ARHGAP35: variants seen among roughly 807,000 people sequenced by gnomAD.
ARHGAP35 encodes Rho GTPase activating protein 35, also known as rho GTPase-activating protein 35.
In ARHGAP35, 15 loss-of-function variants were observed where a neutral mutation model predicts 111.1. That is an observed-to-expected ratio of 0.13 (90% CI 0.09 to 0.21). ARHGAP35 has a LOEUF of 0.21. Ranked by LOEUF, ARHGAP35 falls within the 10% of genes least tolerant of loss-of-function variation. ARHGAP35 has a pLI of 1.00. For synonymous variants in ARHGAP35, 643 were observed against 710.3 expected (o/e 0.91, Z 1.51); for missense variants, 1,262 against 1,873.0 (o/e 0.67, Z 6.02).
At chr19:46,870,318 C>G (rs950079311) in intron 1 of ARHGAP35, among the ~76,000 whole-genome samples, 2 of 151,492 alleles carry the variant, frequency 1.3e-5, no homozygotes, top group Non-Finnish European at 2.9e-5. Context: ...GTGGCTCATG[C>G]CTGTAATCCC....
At chr19:46,980,170 A>G (rs1301616992) in intron 3 of ARHGAP35, among the ~76,000 whole-genome samples, 2 of 152,126 alleles carry the variant, frequency 1.3e-5, no homozygotes, top group East Asian at 3.9e-4. Flanking sequence ...GGACCACCTG[A>G]GGTCAGGAGT....
intron 1 of ARHGAP35, among the ~76,000 whole-genome samples, chr19:46,873,063 C>T (rs1484269118): frequency 3.3e-5 from 5 of 152,086 alleles, no homozygotes; most frequent in African/African-American, 1.2e-4. Flanking sequence ...TGCCCAAGGC[C>T]ACATGGCTAG....
intron 3 of ARHGAP35, among the ~76,000 whole-genome samples, chr19:46,943,358 G>A (rs907847103): frequency 5.9e-5 from 9 of 152,194 alleles, no homozygotes; most frequent in African/African-American, 1.9e-4. Context: ...TGGTGGACGC[G>A]GGACTGCTGC....
At position 46,987,891 on chromosome 19, in the gene ARHGAP35, A is replaced by T. The variant is rs2056659627; in HGVS notation, c.3827-98A>T. The T allele has an allele frequency of 1.1e-4, 132 of 1,220,074 alleles. 3 individuals are homozygous for T. The South Asian group carries it at 1.7e-3, about 15-fold the overall frequency. The allele number at this position is 1,220,074 out of a possible 1,614,324, so 75.6% of individuals were successfully genotyped here. The stretch of plus-strand genomic sequence containing the variant: ...GCTCCTCTCTTGTGGTGGGCACCTC[A>T]TGGACTTTCCCTGGCTTTCTCCTTG... On this transcript the variant is annotated intron_variant, in intron 3 of 6. Transcript: ENST00000672722.
At chr19:46,907,588 C>T (rs1328182313) in intron 1 of ARHGAP35, among the ~76,000 whole-genome samples, 2 of 152,058 alleles carry the variant, frequency 1.3e-5, no homozygotes, top group African/African-American at 4.8e-5. Flanking sequence ...ACGCCATTCT[C>T]CTGTCTCAGC....
chr19:46,867,720 T>G (rs1054180648), intron 1 of ARHGAP35, among the ~76,000 whole-genome samples: 1 of 152,166 alleles, frequency 6.6e-6, no homozygotes, highest in Non-Finnish European at 1.5e-5. Flanking sequence ...GCCCCCATTG[T>G]GTCCATGTTG....
At chr19:46,915,408 T>G (rs947648582) in intron 1 of ARHGAP35, among the ~76,000 whole-genome samples, 2 of 152,154 alleles carry the variant, frequency 1.3e-5, no homozygotes, top group South Asian at 4.1e-4. Context: ...CTAGTCACAT[T>G]TTGTTTCCAT....
intron 3 of ARHGAP35, among the ~76,000 whole-genome samples, chr19:46,951,022 G>A (rs551626611): frequency 6.6e-6 from 1 of 152,354 alleles, no homozygotes; most frequent in Non-Finnish European, 1.5e-5. Flanking sequence ...CGAATGTGGA[G>A]CCCGGCAGCT....
chr19:47,001,198 G>C lies in ARHGAP35; in HGVS notation c.*510G>C. 1.6e-6 allele frequency: 2 copies of C among 1,263,510 alleles called. No homozygotes were observed. The highest frequency in any genetic ancestry group is 2.6e-5 in the South Asian group (2 of 77,468). 78.3% of individuals were successfully genotyped at this position (1,263,510 alleles called of 1,614,324 possible). On this transcript the variant is annotated 3_prime_UTR_variant, in exon 7 of 7. Coordinates refer to ENST00000672722, the MANE Select transcript of ARHGAP35 (RefSeq NM_004491.5). This position sits in a 1 kb window ranked among gnomAD's most constrained non-coding sequence, Gnocchi z 5.4. ...CCCGGCTGGCGGCCTCCTTGGGAACGTGTAGGCCACGGCTCTGCCACCACT... is the reference window on the plus strand; with the variant it reads ...CCCGGCTGGCGGCCTCCTTGGGAACCTGTAGGCCACGGCTCTGCCACCACT...
At chr19:46,914,340 C>T (rs1370617109) in intron 1 of ARHGAP35, among the ~76,000 whole-genome samples, 2 of 152,134 alleles carry the variant, frequency 1.3e-5, no homozygotes, top group African/African-American at 4.8e-5. Flanking sequence ...CACAGTGGCT[C>T]GTGCCTATGA....
chr19:46,942,772 C>T (rs142213512), intron 3 of ARHGAP35, among the ~76,000 whole-genome samples: 2 of 140,576 alleles, frequency 1.4e-5, no homozygotes, highest in African/African-American at 5.4e-5. Flanking sequence ...GCTCTGATCG[C>T]ACCACTGCAA....
chr19:46,990,162 C>T (rs554502832), intron 5 of ARHGAP35, among the ~76,000 whole-genome samples: 1 of 152,352 alleles, frequency 6.6e-6, no homozygotes, highest in Admixed American at 6.5e-5. Flanking sequence ...TAGGGTCCTA[C>T]AGCCTCTTAG....
intron 3 of ARHGAP35, among the ~76,000 whole-genome samples, chr19:46,970,791 G>A (rs1568483275): frequency 6.6e-6 from 1 of 152,210 alleles, no homozygotes; most frequent in Non-Finnish European, 1.5e-5. Context: ...GGAGGGCTGG[G>A]AGGTAGAGTT....
intron 3 of ARHGAP35, among the ~76,000 whole-genome samples, chr19:46,980,564 C>T (rs1372235954): frequency 6.6e-6 from 1 of 152,190 alleles, no homozygotes; most frequent in Non-Finnish European, 1.5e-5. Flanking sequence ...CAAAGCCATG[C>T]ATGTTTTAAA....
Position 46,918,249 on chromosome 19 carries a change from A to C in ARHGAP35, c.-188-239A>C, listed in dbSNP as rs920084255. On this transcript the variant is annotated intron_variant, in intron 1 of 6. Coordinates refer to ENST00000672722, the MANE Select transcript of ARHGAP35 (RefSeq NM_004491.5). This position sits in a 1 kb window ranked among gnomAD's most constrained non-coding sequence, Gnocchi z 5.4. Reference sequence around the variant, plus strand: ...CAGGGAGCCCTCACACCCTTGTTTTAGCACTTAGCACACTGTTTACTTATG... The same window carrying C: ...CAGGGAGCCCTCACACCCTTGTTTTCGCACTTAGCACACTGTTTACTTATG... 8.6e-5 allele frequency among the ~76,000 whole-genome samples: 13 copies of C among 151,954 alleles called. No individual in the cohort carries two copies. Among genetic ancestry groups the C allele is most frequent in the African/African-American group, 2.7e-4 (11 of 41,338 alleles).
chr19:46,995,122 C>G (rs890932201), intron 5 of ARHGAP35, among the ~76,000 whole-genome samples: 2 of 152,150 alleles, frequency 1.3e-5, no homozygotes, highest in Admixed American at 6.5e-5. Flanking sequence ...AGAAAAAAGG[C>G]TGGGTACAGT....
intron 1 of ARHGAP35, among the ~76,000 whole-genome samples, chr19:46,881,994 A>G (rs1439653879): frequency 6.6e-6 from 1 of 152,142 alleles, no homozygotes; most frequent in Non-Finnish European, 1.5e-5. Context: ...GCCAGCTTCT[A>G]ACTTTTCTCT....
At position 46,929,902 on chromosome 19, in the gene ARHGAP35, G is replaced by A. The variant is rs1197598361; in HGVS notation, c.3682-7362G>A. Among the ~76,000 whole-genome samples, 21 of 140,874 alleles carry A rather than the reference G, an allele frequency of 1.5e-4. 1 individual carries two copies. The highest frequency in any genetic ancestry group is 4.5e-3 in the Middle Eastern group (1 of 220). The allele number at this position is 140,874 out of a possible 152,430, so 92.4% of individuals were successfully genotyped here. A position where few individuals can be genotyped will look rare whatever the true frequency, so the allele number is the denominator to read the frequency against. On this transcript the variant is annotated intron_variant, in intron 2 of 6. Coordinates refer to ENST00000672722, the MANE Select transcript of ARHGAP35 (RefSeq NM_004491.5). The stretch of plus-strand genomic sequence containing the variant: ...GCACTCCAGCCTGGGCAACAAGAGC[G>A]AAACTCCATCTCAAAAAAAAAAAAA...
chr19:46,923,048 A>C (rs1479127852), intron 2 of ARHGAP35, among the ~76,000 whole-genome samples: 1 of 151,836 alleles, frequency 6.6e-6, no homozygotes, highest in Non-Finnish European at 1.5e-5. Context: ...AACTGTATAC[A>C]TTATAAACAT....
Sources: allele counts gnomAD v4.1 joint callset (sites outside exome capture counted in the v4.1 genomes callset), GRCh38; gene constraint gnomAD v4.1.1; non-coding constraint Gnocchi (gnomAD v3.1); transcripts MANE v1.5; gene names NCBI Gene and HGNC (gene_info 2026-07-23, HGNC 2026-07-21).